Variants in SPTLC3 observed in about 807,000 individuals in gnomAD.
The protein encoded by SPTLC3 is serine palmitoyltransferase 3.
In SPTLC3, 36 loss-of-function variants were observed where a neutral mutation model predicts 59.3. The ratio of observed to expected loss-of-function variants is 0.61; its 90% CI spans 0.47 to 0.80. SPTLC3 has a LOEUF of 0.80. Among genes scored for constraint, SPTLC3 ranks in the 30% least tolerant of loss-of-function variants. SPTLC3 has a pLI of 0.00. For synonymous variants in SPTLC3, 257 were observed against 240.8 expected, an observed-to-expected ratio of 1.07 and a Z score of -0.62; for missense variants, 625 against 685.1, an observed-to-expected ratio of 0.91 and a Z score of 0.98.
chr20:13,025,763 G>A (rs972879740), intron 1 of SPTLC3, among the ~76,000 whole-genome samples: 4 of 152,092 alleles, frequency 2.6e-5, no homozygotes, highest in Non-Finnish European at 4.4e-5. Flanking sequence ...AGGGGTACAT[G>A]CACAGGCCTG....
chr20:13,081,160 C>G (rs528728452), intron 4 of SPTLC3, among the ~76,000 whole-genome samples: 1 of 152,258 alleles, frequency 6.6e-6, no homozygotes, highest in East Asian at 1.9e-4. Context: ...CTCCCTCCCG[C>G]CTTTGCCACA....
At chr20:13,094,363 TC>T (rs1302645031) in intron 6 of SPTLC3, among the ~76,000 whole-genome samples, 3 of 152,028 alleles carry the variant, frequency 2.0e-5, no homozygotes, top group South Asian at 2.1e-4. Flanking sequence ...GTTGGAAAAT[TC>T]CCTTCTTTCT....
chr20:13,013,630 C>G (rs566680450), intron 1 of SPTLC3, among the ~76,000 whole-genome samples: 3 of 152,294 alleles, frequency 2.0e-5, no homozygotes, highest in South Asian at 4.1e-4. Flanking sequence ...ATGAGCTCAT[C>G]ATTTATAAAG....
chr20:13,110,276 C>T lies in SPTLC3; in HGVS notation c.932+59C>T, dbSNP rs1399614869. ...GAGGCCTGCAGCAAGCTGACCAGTG[C>T]GGAAAGGCTCACCTTTCCTAGCTAA... On this transcript the variant is annotated intron_variant, in intron 7 of 11. Transcript: ENST00000399002. 118 of 1,404,210 alleles carry T rather than the reference C, an allele frequency of 8.4e-5. 1 individual carries two copies. Among genetic ancestry groups the T allele is most frequent in the Middle Eastern group, 1.8e-4 (1 of 5,534 alleles). 87.0% of individuals were successfully genotyped at this position (1,404,210 alleles called of 1,614,324 possible).
Position 13,160,117 on chromosome 20 carries a change from G to A in SPTLC3, c.1530G>A (p.Arg510=), listed in dbSNP as rs1247571487. Residue 510 remains arginine, a synonymous_variant, in exon 11 of 12, where the codon CGG becomes CGA. Coordinates refer to ENST00000399002, the MANE Select transcript of SPTLC3 (RefSeq NM_018327.4). ...ARFCVSAAHT[R]EMLDTVLEAL... ...TTTGTGTTTCAGCGGCACATACCCG[G>A]GAGATGTTAGACACGGTGAGTACAC... The A allele has an allele frequency of 4.3e-6, 7 of 1,613,798 alleles. No homozygotes were observed. In the African/African-American group the frequency reaches 8.0e-5, roughly 18 times the overall value.
intron 1 of SPTLC3, among the ~76,000 whole-genome samples, chr20:13,045,408 T>C (rs1314631009): frequency 6.6e-6 from 1 of 152,250 alleles, no homozygotes; most frequent in Non-Finnish European, 1.5e-5. Flanking sequence ...CAAGATTTTA[T>C]GCTTCATTTA....
At chr20:13,124,633 C>T (rs1386131063) in intron 8 of SPTLC3, among the ~76,000 whole-genome samples, 1 of 152,062 alleles carries the variant, frequency 6.6e-6, no homozygotes, top group East Asian at 1.9e-4. Context: ...AGAACACATC[C>T]CTTGGTTCCC....
intron 1 of SPTLC3, among the ~76,000 whole-genome samples, chr20:13,041,169 T>C (rs1986965091): frequency 6.6e-6 from 1 of 152,206 alleles, no homozygotes. Flanking sequence ...GAAATGTTTG[T>C]TCTGTTCCTT....
chr20:13,164,664 TCTTTGTGAGGCTTGCTATTAATCTGGG>T, intron 11 of SPTLC3, 63 bp from the exon 12 acceptor site: 2 of 916,150 alleles, frequency 2.2e-6, no homozygotes, highest in Non-Finnish European at 3.4e-6. Context: ...AGACTGTGTG[TCTTTGTGAGGCTTGCTATTAATCTGGG>T]CTCTGCAAAG....
At chr20:13,066,506 T>C (rs971767469) in intron 2 of SPTLC3, among the ~76,000 whole-genome samples, 11 of 152,186 alleles carry the variant, frequency 7.2e-5, no homozygotes, top group African/African-American at 2.7e-4. Flanking sequence ...CATTCTCAAT[T>C]ATTACAGAAA....
chr20:13,143,569 G>A (rs887897019), intron 9 of SPTLC3, among the ~76,000 whole-genome samples: 18 of 152,184 alleles, frequency 1.2e-4, no homozygotes, highest in African/African-American at 3.9e-4. Flanking sequence ...CTGTTTGAGT[G>A]CTTGGCTGAG....
intron 2 of SPTLC3, among the ~76,000 whole-genome samples, chr20:13,058,763 A>G (rs978823228): frequency 6.6e-6 from 1 of 152,224 alleles, no homozygotes; most frequent in Non-Finnish European, 1.5e-5. Flanking sequence ...TTCTGTAGCT[A>G]TAAACAAGCT....
intron 2 of SPTLC3, among the ~76,000 whole-genome samples, chr20:13,052,164 T>A (rs6041813): frequency 2.0e-5 from 3 of 151,996 alleles, no homozygotes; most frequent in Non-Finnish European, 4.4e-5. Context: ...CATTTCCAAC[T>A]GAGGTACGGG....
chr20:13,013,842 T>C (rs1368121208), intron 1 of SPTLC3, among the ~76,000 whole-genome samples: 1 of 152,224 alleles, frequency 6.6e-6, no homozygotes, highest in East Asian at 1.9e-4. Flanking sequence ...GGATTGTTCA[T>C]GATTCAGGCA....
chr20:13,063,488 G>A (rs901321995), intron 2 of SPTLC3, among the ~76,000 whole-genome samples: 5 of 151,700 alleles, frequency 3.3e-5, no homozygotes, highest in African/African-American at 9.7e-5. Context: ...GGTGTTAGTC[G>A]TGTTTATAAA....
At chr20:13,041,210 G>A (rs1253166735) in intron 1 of SPTLC3, among the ~76,000 whole-genome samples, 2 of 151,772 alleles carry the variant, frequency 1.3e-5, no homozygotes, top group Non-Finnish European at 2.9e-5. Context: ...CACTCATATT[G>A]TGTATATGTT....
At chr20:13,039,342 A>C (rs1401768428) in intron 1 of SPTLC3, among the ~76,000 whole-genome samples, 1 of 152,086 alleles carries the variant, frequency 6.6e-6, no homozygotes, top group Non-Finnish European at 1.5e-5. Context: ...TTCCTAATGA[A>C]TTAATCATTT....
rs1451272865 is a variant in SPTLC3 at position 13,166,287 on chromosome 20, C to T, written c.*1420C>T. ...TGAGATAGAAACTCCACCCGCAGCG[C>T]CTGCGATGGATGGAGCAGTGTGCCC... is the stretch of plus-strand genomic sequence containing the variant. On this transcript the variant is annotated 3_prime_UTR_variant, in exon 12 of 12. Coordinates refer to ENST00000399002, the MANE Select transcript of SPTLC3 (RefSeq NM_018327.4). The T allele has an allele frequency of 2.0e-5, 3 of 152,574 alleles. No individual in the cohort carries two copies. The allele number at this position is 152,574 out of a possible 1,614,324, so 9.5% of individuals were successfully genotyped here.
At chr20:13,038,307 A>G (rs916246408) in intron 1 of SPTLC3, among the ~76,000 whole-genome samples, 1 of 152,154 alleles carries the variant, frequency 6.6e-6, no homozygotes, top group African/African-American at 2.4e-5. Flanking sequence ...CAGCAAAGAC[A>G]TCTGGGATTG....
Sources: gnomAD v4.1 joint callset for allele counts (sites outside exome capture counted in the v4.1 genomes callset) on GRCh38, gnomAD v4.1.1 for gene constraint, MANE v1.5 for transcripts, NCBI Gene and HGNC (gene_info 2026-07-23, HGNC 2026-07-21) for gene names.